The following RNASE4 variants were observed in gnomAD, a reference collection of about 807,000 sequenced individuals.
RNASE4 encodes ribonuclease 4.
For synonymous variants in RNASE4, 93 were observed against 71.4 expected, an observed-to-expected ratio of 1.30 and a Z score of -1.52; for missense variants, 194 against 192.8, an observed-to-expected ratio of 1.01 and a Z score of -0.04.
At chr14:20,685,030 G>T (rs1165768591) in intron 1 of RNASE4, among the ~76,000 whole-genome samples, 1 of 152,176 alleles carries the variant, frequency 6.6e-6, no homozygotes, top group Non-Finnish European at 1.5e-5. Context: ...CCACAGAATC[G>T]CCGAACCTAA....
chr14:20,692,513 A>C (rs1886814726), intron 1 of RNASE4, among the ~76,000 whole-genome samples: 1 of 152,264 alleles, frequency 6.6e-6, no homozygotes, highest in Non-Finnish European at 1.5e-5. Flanking sequence ...CTGCCAGATC[A>C]GCAGGCAGCA....
chr14:20,693,621 C>T (rs761341937), intron 1 of RNASE4: 14 of 1,613,812 alleles, frequency 8.7e-6, no homozygotes, highest in Admixed American at 1.7e-5. Flanking sequence ...TGGGTCTGAC[C>T]CCACCGACCC....
At chr14:20,689,181 CT>C (rs1886568625) in intron 1 of RNASE4, among the ~76,000 whole-genome samples, 1 of 152,174 alleles carries the variant, frequency 6.6e-6, no homozygotes, top group African/African-American at 2.4e-5. Flanking sequence ...TCGTCCACCC[CT>C]GTTACAGGCA....
intron 1 of RNASE4, among the ~76,000 whole-genome samples, chr14:20,694,443 G>T (rs1330107171): frequency 6.6e-6 from 1 of 151,878 alleles, no homozygotes; most frequent in Non-Finnish European, 1.5e-5. Context: ...GAGATTACAG[G>T]CATGCACCAC....
At chr14:20,694,297 G>GTTT (rs34921147) in intron 1 of RNASE4, 3,541 of 211,874 alleles carry the variant, frequency 0.017, 19 homozygotes, top group Middle Eastern at 0.036. Context: ...TTTTCTTTTC[G>GTTT]TTTTTTTTTT....
chr14:20,698,499 T>C (rs1025345391), intron 1 of RNASE4, among the ~76,000 whole-genome samples: 8 of 152,362 alleles, frequency 5.3e-5, no homozygotes, highest in African/African-American at 1.9e-4. Context: ...ATCTTTACTC[T>C]ATCCATTTAA....
rs1413682750 is a variant in RNASE4, at chr14:20,684,753, G to A, written c.-23G>A. 6.5e-6 allele frequency: 1 copy of A among 152,812 alleles called. No individual in the cohort carries two copies. The highest frequency in any genetic ancestry group is 1.5e-5 in the Non-Finnish European group (1 of 68,558). The allele number at this position is 152,812 out of a possible 1,614,324, so 9.5% of individuals were successfully genotyped here. A position where few individuals can be genotyped will look rare whatever the true frequency, so the allele number is the denominator to read the frequency against. On this transcript the variant is annotated 5_prime_UTR_variant, in exon 1 of 2. Transcript: ENST00000555835. ...CCCGTTTCTGCGGACTTGTTCTGAG[G>A]CCGAGGTAGGTTCACACTCCTGCTC...
At chr14:20,689,233 G>C (rs1045823485) in intron 1 of RNASE4, among the ~76,000 whole-genome samples, 1 of 152,208 alleles carries the variant, frequency 6.6e-6, no homozygotes, top group Non-Finnish European at 1.5e-5. Flanking sequence ...TATGTTTTTA[G>C]CATTGTTTCC....
At chr14:20,696,411 G>A (rs1887096265) in intron 1 of RNASE4, among the ~76,000 whole-genome samples, 1 of 152,122 alleles carries the variant, frequency 6.6e-6, no homozygotes, top group Non-Finnish European at 1.5e-5. Context: ...TATCCTGCGT[G>A]AATCAATTGA....
rs1887245575 is a variant in RNASE4, at chr14:20,700,088, AT to A, written c.*275del. 1 of 425,014 alleles carries A rather than the reference AT, an allele frequency of 2.4e-6. No individual in the cohort carries two copies. Among genetic ancestry groups the A allele is most frequent in the Non-Finnish European group, 4.4e-6 (1 of 227,802 alleles). 26.3% of individuals were successfully genotyped at this position (425,014 alleles called of 1,614,324 possible). On this transcript the variant is annotated 3_prime_UTR_variant, in exon 2 of 2. Coordinates refer to ENST00000555835, the MANE Select transcript of RNASE4 (RefSeq NM_002937.5). The stretch of plus-strand genomic sequence containing the variant: ...AGATCCTATCCTGTGGAATTTAGTT[AT>A]TATGTGTATTTATGTAGTATTTCAA...
chr14:20,688,041 G>C (rs1886506039), intron 1 of RNASE4, among the ~76,000 whole-genome samples: 1 of 152,186 alleles, frequency 6.6e-6, no homozygotes, highest in African/African-American at 2.4e-5. Context: ...CGCAAGCAAT[G>C]GATCTACAGC....
rs758631329 is a variant in RNASE4 at position 20,699,660 on chromosome 14, A to T, written c.289A>T (p.Met97Leu). ...CAATATCCAATGCAAGAACGGCAAG[A>T]TGAACTGCCATGAGGGTGTAGTGAA... is the stretch of plus-strand genomic sequence containing the variant. ...TTNIQCKNGK[M>L]NCHEGVVKVT... The change falls in exon 2 of 2, where the codon ATG (methionine) becomes TTG (leucine). Residue 97 changes from methionine to leucine, a missense_variant. Coordinates refer to ENST00000555835, the MANE Select transcript of RNASE4 (RefSeq NM_002937.5). The T allele has an allele frequency of 1.2e-6, 2 of 1,611,564 alleles. No homozygotes were observed. Among genetic ancestry groups the T allele is most frequent in the African/African-American group, 2.7e-5 (2 of 74,956 alleles).
chr14:20,693,806 G>T (rs755827967), intron 1 of RNASE4: 1 of 1,614,202 alleles, frequency 6.2e-7, no homozygotes, highest in South Asian at 1.1e-5. Context: ...AAGGCCATCT[G>T]TGAAAACAAG....
intron 1 of RNASE4, among the ~76,000 whole-genome samples, chr14:20,691,314 G>GTCATT (rs1320773048): frequency 2.6e-5 from 4 of 152,350 alleles, no homozygotes; most frequent in Non-Finnish European, 5.9e-5. Context: ...GTGTAAGGCA[G>GTCATT]ACCTTTGACA....
At chr14:20,693,014 AT>A (rs546936827) in intron 1 of RNASE4, among the ~76,000 whole-genome samples, 2 of 151,388 alleles carry the variant, frequency 1.3e-5, no homozygotes, top group South Asian at 2.1e-4. Context: ...CGCCCGGCTA[AT>A]TTTTTGTATT....
intron 1 of RNASE4, 156 bp from the exon 2 acceptor site, chr14:20,699,199 G>A (rs1363907492): frequency 1.6e-6 from 1 of 618,174 alleles, no homozygotes; most frequent in East Asian, 2.8e-5. Flanking sequence ...GAGGAAGAAG[G>A]GTGGGAAAAG....
rs1886982884 is a variant in RNASE4, at chr14:20,694,112, A to C, written c.-17-5243A>C. On this transcript the variant is annotated intron_variant, in intron 1 of 1. Transcript: ENST00000555835. ...ACATTCATTGCCAAGGGCCCAAAGAAAGAGCTACCTGGACCTTTTGTTTTC... is the reference window on the plus strand; with the variant it reads ...ACATTCATTGCCAAGGGCCCAAAGACAGAGCTACCTGGACCTTTTGTTTTC... The C allele has an allele frequency of 1.3e-5, 16 of 1,273,980 alleles. No individual in the cohort carries two copies. In the Admixed American group the frequency reaches 2.6e-4, roughly 20 times the overall value. 78.9% of individuals were successfully genotyped at this position (1,273,980 alleles called of 1,614,324 possible). A position where few individuals can be genotyped will look rare whatever the true frequency, so the allele number is the denominator to read the frequency against.
intron 1 of RNASE4, among the ~76,000 whole-genome samples, chr14:20,696,034 T>G (rs1887082546): frequency 6.6e-6 from 1 of 152,218 alleles, no homozygotes; most frequent in Non-Finnish European, 1.5e-5. Context: ...TTTTCTCAAG[T>G]TCTCCAACCA....
At chr14:20,690,936 G>A (rs1484309563) in intron 1 of RNASE4, among the ~76,000 whole-genome samples, 2 of 152,218 alleles carry the variant, frequency 1.3e-5, no homozygotes, top group Admixed American at 6.5e-5. Flanking sequence ...AATGGCACCC[G>A]TGAAACCTGA....
Sources: allele counts gnomAD v4.1 joint callset (sites outside exome capture counted in the v4.1 genomes callset), GRCh38; gene constraint gnomAD v4.1.1; transcripts MANE v1.5; gene names NCBI Gene and HGNC (gene_info 2026-07-23, HGNC 2026-07-21).